CSPP1: variants seen among roughly 807,000 people sequenced by gnomAD.
The protein encoded by CSPP1 is centrosome and spindle pole-associated protein 1.
A neutral mutation model predicts 164.4 loss-of-function variants in CSPP1; 126 were observed. That is an observed-to-expected ratio of 0.77 (90% CI 0.66 to 0.89). The LOEUF (loss-of-function observed/expected upper bound fraction) is 0.89, where lower values mean the gene tolerates loss of function less well. Ranked by LOEUF, CSPP1 falls within the 40% of genes least tolerant of loss-of-function variation. The pLI is 0.00. For missense variants in CSPP1, 1,395 were observed against 1,449.8 expected, an observed-to-expected ratio of 0.96 and a Z score of 0.61; for synonymous variants, 472 against 476.7, an observed-to-expected ratio of 0.99 and a Z score of 0.13.
intron 15 of CSPP1, among the ~76,000 whole-genome samples, chr8:67,120,232 C>T (rs939523903): frequency 3.3e-5 from 5 of 152,150 alleles, no homozygotes; most frequent in African/African-American, 1.2e-4. Context: ...GTGTGTATGT[C>T]TTCCTTTATC....
rs373556478 is a variant in CSPP1, at chr8:67,094,964, G to A, written c.484-329G>A. Among the ~76,000 whole-genome samples, 20 of 152,162 alleles carry A rather than the reference G, an allele frequency of 1.3e-4. 1 individual carries two copies. Among genetic ancestry groups the A allele is most frequent in the East Asian group, 9.7e-4 (5 of 5,178 alleles). ...TTTGGAGATATGGCTTCTTTCACTC[G>A]GTATGATTATTTTGAGGTTCATTTG... On this transcript the variant is annotated intron_variant, in intron 6 of 30. Transcript: ENST00000678616.
chr8:67,082,225 C>T (rs1238514510), intron 3 of CSPP1, among the ~76,000 whole-genome samples: 2 of 152,030 alleles, frequency 1.3e-5, no homozygotes, highest in Non-Finnish European at 2.9e-5. Context: ...TTTTTTTGTG[C>T]TTTTCATAGA....
At chr8:67,185,830 A>G (rs1294173952) in intron 28 of CSPP1, among the ~76,000 whole-genome samples, 2 of 152,196 alleles carry the variant, frequency 1.3e-5, no homozygotes, top group Non-Finnish European at 2.9e-5. Flanking sequence ...GAAATGCATA[A>G]AAGTCAAATC....
chr8:67,064,394 C>T lies in CSPP1; in HGVS notation c.-155C>T, dbSNP rs756738256. On this transcript the variant is annotated 5_prime_UTR_variant, in exon 1 of 31. Transcript: ENST00000678616. ...AGGGGCGGAGCCCCGGCCCGGAGGTCTGTCATGCTGTTCCCGCTCCAGGTG... is the reference window on the plus strand; with the variant it reads ...AGGGGCGGAGCCCCGGCCCGGAGGTTTGTCATGCTGTTCCCGCTCCAGGTG... 1 of 1,613,142 alleles carries T rather than the reference C, an allele frequency of 6.2e-7. No individual in the cohort carries two copies. Among genetic ancestry groups the T allele is most frequent in the Non-Finnish European group, 8.5e-7 (1 of 1,179,718 alleles).
chr8:67,083,772 C>G (rs1809821120), intron 3 of CSPP1: 1 of 151,660 alleles, frequency 6.6e-6, no homozygotes, highest in African/African-American at 2.4e-5. Flanking sequence ...GTCTTTTACT[C>G]CTTGGCACAA....
intron 1 of CSPP1, among the ~76,000 whole-genome samples, chr8:67,068,793 C>T (rs1160134830): frequency 6.6e-6 from 1 of 152,098 alleles, no homozygotes; most frequent in Non-Finnish European, 1.5e-5. Context: ...CAGATAAGGC[C>T]GCTCTGTGTC....
intron 21 of CSPP1, 140 bp from the exon 22 acceptor site, chr8:67,161,671 G>A: frequency 2.0e-6 from 1 of 507,522 alleles, no homozygotes; most frequent in Non-Finnish European, 3.5e-6. Context: ...GACTTTTGTA[G>A]AAAGCATTTT....
intron 24 of CSPP1, among the ~76,000 whole-genome samples, chr8:67,170,828 C>G (rs1830320893): frequency 6.6e-6 from 1 of 151,912 alleles, no homozygotes; most frequent in African/African-American, 2.4e-5. Context: ...GCTCTGTCAC[C>G]CAGGCTGGAG....
intron 4 of CSPP1, chr8:67,086,915 G>C (rs558373721): frequency 1.2e-6 from 1 of 865,702 alleles, no homozygotes; most frequent in East Asian, 5.4e-5. Flanking sequence ...CGATCTAGAA[G>C]GTTGCAATCA....
chr8:67,159,026 T>C lies in CSPP1; in HGVS notation c.2427T>C (p.Ala809=), dbSNP rs772247508. ...AAAATGAAGAGCATATTCGGTTAGC[T>C]GAAGAAAGACAAAAAGAAGCAGAAA... ...RLKNEEHIRL[A]EERQKEAERK... Residue 809 remains alanine (A), a synonymous_variant, in exon 21 of 31, where the codon GCT becomes GCC. Coordinates refer to ENST00000678616, the MANE Select transcript of CSPP1 (RefSeq NM_001382391.1). 1 of 1,610,778 alleles carries C rather than the reference T, an allele frequency of 6.2e-7. No homozygotes were observed.
intron 4 of CSPP1, among the ~76,000 whole-genome samples, chr8:67,090,395 C>T (rs1267438812): frequency 1.3e-5 from 2 of 152,120 alleles, no homozygotes; most frequent in African/African-American, 2.4e-5. Context: ...AGGTGATTCT[C>T]CTGCCTCAGC....
chr8:67,118,510 C>G lies in CSPP1; in HGVS notation c.1618+141C>G. The G allele has an allele frequency of 3.5e-6, 3 of 862,468 alleles. No individual in the cohort carries two copies. In the Admixed American group the frequency reaches 7.2e-5, roughly 21 times the overall value. The allele number at this position is 862,468 out of a possible 1,614,324, so 53.4% of individuals were successfully genotyped here. A position where few individuals can be genotyped will look rare whatever the true frequency, so the allele number is the denominator to read the frequency against. On this transcript the variant is annotated intron_variant, in intron 14 of 30. Coordinates refer to ENST00000678616, the MANE Select transcript of CSPP1 (RefSeq NM_001382391.1). ...TGTTATATATTGATTTAATAAATGC[C>G]CTATTTTAAAGCCCAGTTATATTTT...
Position 67,143,784 on chromosome 8 carries a change from C to CT in CSPP1, c.1976-5997dup, listed in dbSNP as rs1823953798. Reference sequence around the variant, plus strand: ...TTTTATATTGTCTGTAGTCTGTGTGCTTGCTACTGTCTGTAGTCTGTGTGG... The same window carrying CT: ...TTTTATATTGTCTGTAGTCTGTGTGCTTTGCTACTGTCTGTAGTCTGTGTGG... On this transcript the variant is annotated intron_variant, in intron 17 of 30. Coordinates refer to ENST00000678616, the MANE Select transcript of CSPP1 (RefSeq NM_001382391.1). Among the ~76,000 whole-genome samples the CT allele has an allele frequency of 2.0e-5, 3 of 152,114 alleles. No individual in the cohort carries two copies. In the South Asian group the frequency reaches 6.2e-4, roughly 32 times the overall value.
intron 26 of CSPP1, among the ~76,000 whole-genome samples, chr8:67,175,850 C>T (rs910974424): frequency 5.3e-5 from 8 of 152,088 alleles, no homozygotes; most frequent in East Asian, 1.9e-4. Context: ...TTTGATGTGG[C>T]GTAAAATCTG....
At chr8:67,174,442 CTGTA>C (rs1348390343) in intron 25 of CSPP1, 1 of 152,026 alleles carries the variant, frequency 6.6e-6, no homozygotes, top group Admixed American at 6.6e-5. Flanking sequence ...TATGTATGAA[CTGTA>C]TGTTTCTTCT....
chr8:67,096,555 ACT>A (rs752694833), intron 7 of CSPP1, among the ~76,000 whole-genome samples: 8 of 141,096 alleles, frequency 5.7e-5, no homozygotes, highest in Admixed American at 1.4e-4. Flanking sequence ...GTAAGGTGAG[ACT>A]CTGTCTCCAA....
chr8:67,185,616 A>C (rs557421471), intron 28 of CSPP1, among the ~76,000 whole-genome samples: 2 of 152,324 alleles, frequency 1.3e-5, no homozygotes, highest in African/African-American at 4.8e-5. Flanking sequence ...AGGAAGATGC[A>C]GAGTCAGAAG....
At chr8:67,148,003 G>GT (rs1824948520) in intron 17 of CSPP1, among the ~76,000 whole-genome samples, 1 of 151,624 alleles carries the variant, frequency 6.6e-6, no homozygotes, top group Non-Finnish European at 1.5e-5. Flanking sequence ...ACTGCAACCT[G>GT]CACCCCCCCG....
At chr8:67,154,673 G>A (rs899043407) in intron 19 of CSPP1, among the ~76,000 whole-genome samples, 25 of 152,020 alleles carry the variant, frequency 1.6e-4, no homozygotes, top group African/African-American at 5.3e-4. Context: ...ACCAATTTTT[G>A]TATTTTTAAT....
Sources: allele counts gnomAD v4.1 joint callset (sites outside exome capture counted in the v4.1 genomes callset), GRCh38; gene constraint gnomAD v4.1.1; transcripts MANE v1.5; gene names NCBI Gene and HGNC (gene_info 2026-07-23, HGNC 2026-07-21).